The following MAML2 variants were observed in gnomAD, a reference collection of about 807,000 sequenced individuals.
The protein encoded by MAML2 is mastermind-like protein 2.
MAML2 carries 22 observed loss-of-function variants against 96.1 expected under a neutral mutation model. The ratio of observed to expected loss-of-function variants is 0.23; its 90% confidence interval spans 0.16 to 0.33. The LOEUF (loss-of-function observed/expected upper bound fraction) is 0.33. MAML2 is among the 10% of genes least tolerant of loss of function. MAML2 has a pLI of 1.00. For synonymous variants in MAML2, 561 were observed against 521.3 expected (o/e 1.08, Z -1.04); for missense variants, 1,367 against 1,392.4 (o/e 0.98, Z 0.29).
At chr11:96,178,987 C>T (rs1195552446) in intron 1 of MAML2, among the ~76,000 whole-genome samples, 1 of 152,200 alleles carries the variant, frequency 6.6e-6, no homozygotes, top group Non-Finnish European at 1.5e-5. Flanking sequence ...CCTTGCAGTG[C>T]TGCAGGCTGT....
At chr11:96,126,826 A>G (rs562273851) in intron 1 of MAML2, among the ~76,000 whole-genome samples, 2 of 152,350 alleles carry the variant, frequency 1.3e-5, no homozygotes, top group South Asian at 4.1e-4. Context: ...ACACCTTGCT[A>G]GGCCCTTAGG....
At position 96,022,273 on chromosome 11, in the gene MAML2, G is replaced by A. The variant is rs373882990; in HGVS notation, c.2140-30550C>T. ...GATCTCCATCGCTAGCTCCCGTCCT[G>A]AATCTTTCCTGAGACCCCAGTGCCT... On this transcript the variant is annotated intron_variant, in intron 2 of 4. Transcript: ENST00000524717. Among the ~76,000 whole-genome samples the A allele has an allele frequency of 3.3e-5, 5 of 152,316 alleles. No homozygotes were observed. In the East Asian group the frequency reaches 7.7e-4, roughly 24 times the overall value.
At chr11:96,330,723 C>T (rs1278038172) in intron 1 of MAML2, among the ~76,000 whole-genome samples, 1 of 152,192 alleles carries the variant, frequency 6.6e-6, no homozygotes, top group African/African-American at 2.4e-5. Context: ...CCTTGGTTCT[C>T]TGCATGCTCA....
intron 1 of MAML2, among the ~76,000 whole-genome samples, chr11:96,219,021 T>C (rs1279330695): frequency 6.6e-6 from 1 of 152,196 alleles, no homozygotes; most frequent in Non-Finnish European, 1.5e-5. Flanking sequence ...TTTTCTTGGG[T>C]ATGTGCAAAA....
At chr11:96,153,206 T>C (rs1192702881) in intron 1 of MAML2, among the ~76,000 whole-genome samples, 1 of 150,936 alleles carries the variant, frequency 6.6e-6, no homozygotes, top group East Asian at 1.9e-4. Context: ...TCCAAAACAA[T>C]GAGGCATCCC....
chr11:96,272,785 C>T (rs1439754026), intron 1 of MAML2, among the ~76,000 whole-genome samples: 1 of 152,220 alleles, frequency 6.6e-6, no homozygotes, highest in Non-Finnish European at 1.5e-5. Flanking sequence ...TAACTTCTAA[C>T]TTGCTGTACA....
At chr11:96,136,724 A>C (rs1255967672) in intron 1 of MAML2, among the ~76,000 whole-genome samples, 2 of 152,232 alleles carry the variant, frequency 1.3e-5, no homozygotes, top group African/African-American at 4.8e-5. Context: ...ATAATAAAGA[A>C]ATTTCAAAAT....
chr11:96,255,905 C>G (rs1424372331), intron 1 of MAML2, among the ~76,000 whole-genome samples: 1 of 106,382 alleles, frequency 9.4e-6, no homozygotes, highest in Non-Finnish European at 1.7e-5. Context: ...CAGAGTTTTG[C>G]TCTTGTTGCC....
chr11:96,155,482 C>T (rs1042955916), intron 1 of MAML2, among the ~76,000 whole-genome samples: 9 of 131,264 alleles, frequency 6.9e-5, no homozygotes, highest in African/African-American at 2.6e-4. Flanking sequence ...ACAATACTAC[C>T]CACCTCATGG....
chr11:96,187,237 T>C (rs984737313), intron 1 of MAML2, among the ~76,000 whole-genome samples: 2 of 152,208 alleles, frequency 1.3e-5, no homozygotes, highest in Non-Finnish European at 1.5e-5. Flanking sequence ...ATGTGGCACA[T>C]AGCAGATGAT....
chr11:96,186,825 A>C (rs530565810), intron 1 of MAML2, among the ~76,000 whole-genome samples: 1 of 152,354 alleles, frequency 6.6e-6, no homozygotes, highest in East Asian at 1.9e-4. Context: ...CCCTGGCTTT[A>C]GAGCCGGGCC....
intron 1 of MAML2, among the ~76,000 whole-genome samples, chr11:96,109,105 C>G (rs1219683951): frequency 6.6e-6 from 1 of 152,074 alleles, no homozygotes; most frequent in Non-Finnish European, 1.5e-5. Flanking sequence ...AATCCATGCT[C>G]TCTACAAAAT....
chr11:96,015,853 G>T (rs1309753556), intron 2 of MAML2, among the ~76,000 whole-genome samples: 1 of 152,076 alleles, frequency 6.6e-6, no homozygotes, highest in African/African-American at 2.4e-5. Context: ...AGGAGAGAAT[G>T]CATATGAGGT....
At chr11:96,062,493 A>G (rs1590988653) in intron 2 of MAML2, among the ~76,000 whole-genome samples, 1 of 152,334 alleles carries the variant, frequency 6.6e-6, no homozygotes, top group African/African-American at 2.4e-5. Flanking sequence ...ATGATTTACA[A>G]TTTACAGAAT....
chr11:96,077,528 TC>T (rs1859462148), intron 2 of MAML2, among the ~76,000 whole-genome samples: 2 of 152,196 alleles, frequency 1.3e-5, no homozygotes, highest in African/African-American at 4.8e-5. Flanking sequence ...GCCTACCCCA[TC>T]TTTTTTACTC....
intron 1 of MAML2, among the ~76,000 whole-genome samples, chr11:96,231,491 T>C (rs557077952): frequency 3.0e-4 from 45 of 152,304 alleles, no homozygotes; most frequent in Admixed American, 5.2e-4. Flanking sequence ...CTGTAGGATG[T>C]AAAGGAAGAC....
At chr11:96,001,807 G>T (rs948785028) in intron 2 of MAML2, among the ~76,000 whole-genome samples, 3 of 152,100 alleles carry the variant, frequency 2.0e-5, no homozygotes, top group Non-Finnish European at 4.4e-5. Flanking sequence ...TCCATGATCT[G>T]GGCTCTGCAT....
At chr11:96,178,804 G>A (rs1214519171) in intron 1 of MAML2, among the ~76,000 whole-genome samples, 4 of 152,114 alleles carry the variant, frequency 2.6e-5, no homozygotes, top group Non-Finnish European at 4.4e-5. Flanking sequence ...ACTTGAACAC[G>A]GATTAGATGT....
chr11:96,301,063 C>T (rs1479425198), intron 1 of MAML2, among the ~76,000 whole-genome samples: 1 of 152,190 alleles, frequency 6.6e-6, no homozygotes, highest in African/African-American at 2.4e-5. Context: ...TTCATTATAA[C>T]TAGCCTTATG....
Sources: gnomAD v4.1 joint callset for allele counts (sites outside exome capture counted in the v4.1 genomes callset) on GRCh38, gnomAD v4.1.1 for gene constraint, MANE v1.5 for transcripts, NCBI Gene and HGNC (gene_info 2026-07-23, HGNC 2026-07-21) for gene names.